The following APOL5 variants were observed in gnomAD, a reference collection of about 807,000 sequenced individuals.
APOL5 encodes the protein apolipoprotein L5.
A neutral mutation model predicts 35.5 loss-of-function variants in APOL5; 29 were observed. The ratio of observed to expected loss-of-function variants is 0.82; its 90% CI spans 0.61 to 1.11. APOL5 has a LOEUF of 1.11. Ranked by LOEUF, APOL5 falls within the 50% of genes most tolerant of loss-of-function variation. APOL5 has a pLI of 0.00. For missense variants in APOL5, 514 were observed against 530.4 expected (o/e 0.97, Z 0.30); for synonymous variants, 188 against 200.2 (o/e 0.94, Z 0.51).
the APOL5 span, among the ~76,000 whole-genome samples, chr22:35,710,479 A>G: frequency 1.3e-5 from 2 of 150,950 alleles, no homozygotes; most frequent in Admixed American, 1.3e-4. Context: ...ATAAATGTGT[A>G]TATATATACA....
chr22:35,726,708 G>T lies in APOL5; in HGVS notation c.640G>T (p.Ala214Ser), dbSNP rs1927175178. ...RLGPLTTSHEAFGGINWSEIE... is the reference protein window; with the variant it reads ...RLGPLTTSHESFGGINWSEIE... ...GGGGCCTCTGACAACATCACATGAG[G>T]CTTTCGGAGGAATAAATTGGTCTGA... Residue 214 changes from alanine (A) to serine (S), a missense_variant, in exon 3 of 5, where the codon GCT (alanine) becomes TCT (serine). Coordinates refer to ENST00000249044, the MANE Select transcript of APOL5 (RefSeq NM_030642.1). 2.5e-6 allele frequency: 4 copies of T among 1,614,106 alleles called. No individual in the cohort carries two copies. In the South Asian group the frequency reaches 4.4e-5, roughly 18 times the overall value.
the APOL5 span, among the ~76,000 whole-genome samples, chr22:35,711,644 T>TTCCC: frequency 6.9e-5 from 10 of 145,560 alleles, no homozygotes; most frequent in South Asian, 9.0e-4. Context: ...CCTTCCTTCC[T>TTCCC]TCCCTCCCTC....
Position 35,727,165 on chromosome 22 carries a change from T to C in APOL5, c.1097T>C (p.Val366Ala). The change falls in exon 3 of 5, where the codon GTT becomes GCT. Residue 366 changes from valine (V) to alanine (A), a missense_variant. Val to Ala is a moderately conservative substitution (Grantham distance 64, BLOSUM62 0). Transcript: ENST00000249044. The part of the protein sequence containing the change: ...QTCSSSRGRA[V>A]RGSRVVKPEG... ...TGTTCCAGCTCCCGGGGCAGGGCTG[T>C]TCGAGGATCCCGTGTGGTTAAACCA... The C allele has an allele frequency of 6.2e-6, 10 of 1,604,398 alleles. No homozygotes were observed. Among genetic ancestry groups the C allele is most frequent in the Non-Finnish European group, 7.6e-6 (9 of 1,179,432 alleles).
intron 2 of APOL5, among the ~76,000 whole-genome samples, chr22:35,722,371 C>T (rs899146806): frequency 9.2e-5 from 14 of 152,278 alleles, no homozygotes; most frequent in East Asian, 1.9e-4. Context: ...GGCGCGATCT[C>T]GGCTCACTGC....
upstream of APOL5, among the ~76,000 whole-genome samples, chr22:35,717,008 G>GGACC (rs1569150290): frequency 1.5e-4 from 23 of 150,558 alleles, no homozygotes; most frequent in South Asian, 2.1e-4. Flanking sequence ...GTGTTGTGTT[G>GGACC]TGCCGTTGTG....
At chr22:35,710,978 C>T in the APOL5 span, among the ~76,000 whole-genome samples, 1 of 152,204 alleles carries the variant, frequency 6.6e-6, no homozygotes, top group Admixed American at 6.5e-5. Flanking sequence ...GCCAGACTGG[C>T]CAACGTGGTG....
At chr22:35,724,379 CT>C (rs35923261) in intron 2 of APOL5, among the ~76,000 whole-genome samples, 45,119 of 143,804 alleles carry the variant, frequency 0.31, 7,413 homozygotes, top group East Asian at 0.63. Flanking sequence ...AAGCAACCAC[CT>C]TTTTTTTTTT....
the APOL5 span, among the ~76,000 whole-genome samples, chr22:35,711,603 C>CTTCCTTCT: frequency 2.4e-5 from 3 of 122,660 alleles, no homozygotes; most frequent in Non-Finnish European, 5.2e-5. Context: ...CATGTTTTTC[C>CTTCCTTCT]TTCCTTCCTT....
At chr22:35,728,365 AG>A (rs1478727927) in intron 3 of APOL5, among the ~76,000 whole-genome samples, 2 of 152,214 alleles carry the variant, frequency 1.3e-5, no homozygotes, top group East Asian at 3.9e-4. Context: ...CTGGGACTAC[AG>A]GCGCCCGCCA....
intron 2 of APOL5, 64 bp downstream of exon 2, chr22:35,720,718 T>C: frequency 8.5e-7 from 1 of 1,178,412 alleles, no homozygotes. Flanking sequence ...ACAGTGTCTG[T>C]CACAGACCCA....
chr22:35,717,404 G>C (rs747143310), upstream of APOL5, among the ~76,000 whole-genome samples: 28 of 58,954 alleles, frequency 4.7e-4, no homozygotes, highest in Non-Finnish European at 7.1e-4. Context: ...ATCTCCAAAT[G>C]AAAGAAAAAA....
chr22:35,727,343 A>C, intron 3 of APOL5, 149 bp downstream of exon 3: 1 of 1,166,992 alleles, frequency 8.6e-7, no homozygotes, highest in Non-Finnish European at 1.2e-6. Context: ...CACCCCTGAC[A>C]TTAACTAGGC....
intron 2 of APOL5, 147 bp from the exon 3 acceptor site, chr22:35,726,064 T>C (rs1291071767): frequency 2.5e-6 from 2 of 804,860 alleles, no homozygotes; most frequent in Non-Finnish European, 3.8e-6. Context: ...AGAAGCAAGA[T>C]GAAGCCGGTT....
chr22:35,711,219 T>C, the APOL5 span, among the ~76,000 whole-genome samples: 1 of 152,132 alleles, frequency 6.6e-6, no homozygotes, highest in African/African-American at 2.4e-5. Flanking sequence ...AAGACTTCCT[T>C]CTTTCTTGAG....
chr22:35,709,151 G>C, the APOL5 span, among the ~76,000 whole-genome samples: 1 of 152,090 alleles, frequency 6.6e-6, no homozygotes, highest in African/African-American at 2.4e-5. Flanking sequence ...TTTACTTATC[G>C]AAGTGTCAAC....
chr22:35,728,003 G>A lies in APOL5; in HGVS notation c.1127-720G>A, dbSNP rs967072242. 3.3e-5 allele frequency among the ~76,000 whole-genome samples: 5 copies of A among 152,258 alleles called. No homozygotes were observed. In the East Asian group the frequency reaches 5.8e-4, roughly 18 times the overall value. ...GGACACATAAGTGTTTGCCGAAGAT[G>A]TGAAGGCTCAAATGTTCATTCACTC... is the stretch of plus-strand genomic sequence containing the variant. On this transcript the variant is annotated intron_variant, in intron 3 of 4. Transcript: ENST00000249044.
the APOL5 span, among the ~76,000 whole-genome samples, chr22:35,710,685 A>G: frequency 3.3e-5 from 5 of 152,150 alleles, no homozygotes; most frequent in African/African-American, 4.8e-5. Context: ...CTTTGCCCCA[A>G]GTAAACAATA....
the APOL5 span, among the ~76,000 whole-genome samples, chr22:35,711,342 C>A: frequency 1.3e-5 from 2 of 152,306 alleles, no homozygotes; most frequent in Admixed American, 1.3e-4. Context: ...TCTGCTATAA[C>A]CATTGTTATA....
intron 2 of APOL5, among the ~76,000 whole-genome samples, chr22:35,723,599 C>A (rs1485812097): frequency 1.3e-5 from 2 of 152,220 alleles, no homozygotes; most frequent in Non-Finnish European, 2.9e-5. Context: ...CAAGCTCCCC[C>A]CACTTGCCTG....
Sources: allele counts gnomAD v4.1 joint callset (sites outside exome capture counted in the v4.1 genomes callset), GRCh38; gene constraint gnomAD v4.1.1; transcripts MANE v1.5; gene names NCBI Gene and HGNC (gene_info 2026-07-23, HGNC 2026-07-21).